The following SNTG2 variants were observed in gnomAD, a reference collection of about 807,000 sequenced individuals.
The protein encoded by SNTG2 is gamma-2-syntrophin.
In SNTG2, 74 loss-of-function variants were observed where a neutral mutation model predicts 70.9. That is an observed-to-expected ratio of 1.04 (90% CI 0.86 to 1.27). SNTG2 has a LOEUF of 1.27. Ranked by LOEUF, SNTG2 falls within the 50% of genes most tolerant of loss-of-function variation. The probability of loss-of-function intolerance (pLI) is 0.00; values close to 1 mark genes in which losing one functional copy is unlikely to be tolerated. For missense variants in SNTG2, 717 were observed against 690.7 expected (o/e 1.04, Z -0.43); for synonymous variants, 278 against 273.8 (o/e 1.02, Z -0.15).
chr2:1,276,317 C>A (rs1382070718), intron 14 of SNTG2, among the ~76,000 whole-genome samples: 1 of 152,198 alleles, frequency 6.6e-6, no homozygotes, highest in Non-Finnish European at 1.5e-5. Context: ...CTTCAAAGCA[C>A]CAAAGGACAG....
intron 2 of SNTG2, among the ~76,000 whole-genome samples, chr2:1,089,632 C>G (rs927802796): frequency 1.7e-5 from 1 of 57,964 alleles, no homozygotes; most frequent in Non-Finnish European, 4.2e-5. Flanking sequence ...GAAACTCCGT[C>G]TCAAAATAAT....
At chr2:1,152,418 CCTGTGTGTACTG>C (rs1669560677) in intron 6 of SNTG2, among the ~76,000 whole-genome samples, 1 of 152,110 alleles carries the variant, frequency 6.6e-6, no homozygotes, top group South Asian at 2.1e-4. Context: ...TACATGTGTA[CCTGTGTGTACTG>C]CATATATGTG....
chr2:1,047,319 G>A (rs1210662751), intron 1 of SNTG2, among the ~76,000 whole-genome samples: 13 of 152,128 alleles, frequency 8.5e-5, no homozygotes, highest in Admixed American at 7.9e-4. Context: ...GATCTTCCTT[G>A]CCATCCAGAT....
At chr2:1,096,359 A>C (rs186076399) in intron 2 of SNTG2, among the ~76,000 whole-genome samples, 1 of 152,310 alleles carries the variant, frequency 6.6e-6, no homozygotes, top group Non-Finnish European at 1.5e-5. Context: ...TGTAAGGTTT[A>C]TTCTCTTAGC....
At chr2:1,024,872 T>A (rs1263345672) in intron 1 of SNTG2, among the ~76,000 whole-genome samples, 1 of 151,988 alleles carries the variant, frequency 6.6e-6, no homozygotes, top group Non-Finnish European at 1.5e-5. Flanking sequence ...TACCAAGAAA[T>A]AAAAAGAAAG....
At chr2:963,483 G>T (rs6727516) in intron 1 of SNTG2, among the ~76,000 whole-genome samples, 66,026 of 152,024 alleles carry the variant, frequency 0.43, 14,848 homozygotes, top group Middle Eastern at 0.55. Context: ...ATATGTAAAT[G>T]AGGTGACCAG....
intron 9 of SNTG2, among the ~76,000 whole-genome samples, chr2:1,229,463 GTA>G (rs1676036313): frequency 6.6e-6 from 1 of 152,234 alleles, no homozygotes; most frequent in Non-Finnish European, 1.5e-5. Flanking sequence ...GCCGATTGGT[GTA>G]TTTACAATCC....
At chr2:1,186,221 C>T (rs1426785114) in intron 8 of SNTG2, among the ~76,000 whole-genome samples, 2 of 152,152 alleles carry the variant, frequency 1.3e-5, no homozygotes, top group African/African-American at 2.4e-5. Context: ...CCCTCATTTC[C>T]ATCTGAGACC....
chr2:1,066,130 G>A lies in SNTG2; in HGVS notation c.73-17388G>A, dbSNP rs1034571311. ...TACAAGCAATACATTTTTGCCAATA[G>A]AAATAAGTTTGTTTATTCCTGTGGC... On this transcript the variant is annotated intron_variant, in intron 1 of 16. Coordinates refer to ENST00000308624, the MANE Select transcript of SNTG2 (RefSeq NM_018968.4). Among the ~76,000 whole-genome samples, 6 of 152,262 alleles carry A rather than the reference G, an allele frequency of 3.9e-5. No homozygotes were observed. In the East Asian group the frequency reaches 1.2e-3, roughly 29 times the overall value.
chr2:1,043,310 G>C (rs963537440), intron 1 of SNTG2, among the ~76,000 whole-genome samples: 2 of 152,048 alleles, frequency 1.3e-5, no homozygotes, highest in Admixed American at 1.3e-4. Flanking sequence ...ATGGATTCTG[G>C]ATATTATACC....
intron 14 of SNTG2, among the ~76,000 whole-genome samples, chr2:1,288,013 A>G (rs985045349): frequency 6.6e-6 from 1 of 152,074 alleles, no homozygotes; most frequent in Non-Finnish European, 1.5e-5. Flanking sequence ...ACCTCGGACA[A>G]GTTTTTAAGA....
intron 12 of SNTG2, among the ~76,000 whole-genome samples, chr2:1,256,988 T>A (rs557439160): frequency 6.6e-6 from 1 of 151,852 alleles, no homozygotes. Flanking sequence ...TTAATACACT[T>A]GTTTTTTGGA....
intron 6 of SNTG2, chr2:1,159,318 C>G (rs569344126): frequency 2.0e-5 from 3 of 151,894 alleles, no homozygotes; most frequent in African/African-American, 7.2e-5. Context: ...TCTCATGGGT[C>G]TTTATTCAAC....
chr2:1,182,942 A>G (rs1558503118), intron 8 of SNTG2, among the ~76,000 whole-genome samples: 2 of 152,068 alleles, frequency 1.3e-5, no homozygotes, highest in Non-Finnish European at 2.9e-5. Context: ...TTTTGTAAAG[A>G]TGGAGTTTCA....
At chr2:1,134,187 G>C (rs1668208804) in intron 4 of SNTG2, among the ~76,000 whole-genome samples, 1 of 152,168 alleles carries the variant, frequency 6.6e-6, no homozygotes, top group Non-Finnish European at 1.5e-5. Context: ...TGGACCCAAA[G>C]AGTGAGCAGC....
At chr2:1,301,532 A>C (rs977817025) in intron 14 of SNTG2, among the ~76,000 whole-genome samples, 1 of 152,212 alleles carries the variant, frequency 6.6e-6, no homozygotes, top group Non-Finnish European at 1.5e-5. Flanking sequence ...CCATACCCAG[A>C]TCCTTACAAT....
At chr2:1,069,745 C>T (rs771107438) in intron 1 of SNTG2, among the ~76,000 whole-genome samples, 1 of 152,140 alleles carries the variant, frequency 6.6e-6, no homozygotes. Flanking sequence ...GAGCCGAGAT[C>T]GCACCACTGC....
At chr2:1,351,141 T>C (rs1226846308) in intron 16 of SNTG2, among the ~76,000 whole-genome samples, 2 of 151,746 alleles carry the variant, frequency 1.3e-5, no homozygotes, top group Non-Finnish European at 1.5e-5. Flanking sequence ...TCTCTTAATT[T>C]CCTTGTTTTC....
At chr2:1,175,840 G>A (rs1208718663) in intron 8 of SNTG2, among the ~76,000 whole-genome samples, 2 of 152,164 alleles carry the variant, frequency 1.3e-5, no homozygotes, top group South Asian at 2.1e-4. Context: ...GCATGATTCG[G>A]TGCCATTTCA....
Sources: gnomAD v4.1 joint callset for allele counts (sites outside exome capture counted in the v4.1 genomes callset) on GRCh38, gnomAD v4.1.1 for gene constraint, MANE v1.5 for transcripts, NCBI Gene and HGNC (gene_info 2026-07-23, HGNC 2026-07-21) for gene names.